Variants in AFG2A observed in about 807,000 individuals in gnomAD.
AFG2A encodes ATPase family gene 2 protein homolog A.
the AFG2A span, among the ~76,000 whole-genome samples, chr4:123,003,581 G>A: frequency 0.012 from 1,845 of 152,294 alleles, 42 homozygotes; most frequent in African/African-American, 0.041. Flanking sequence ...TCCAGACCCT[G>A]TTTGCCTGGG....
chr4:123,224,920 G>T, the AFG2A span, among the ~76,000 whole-genome samples: 1 of 152,126 alleles, frequency 6.6e-6, no homozygotes, highest in East Asian at 1.9e-4. Context: ...TTGTGAGATG[G>T]TATCTCATTG....
the AFG2A span, chr4:122,929,031 G>T: frequency 6.2e-7 from 1 of 1,611,080 alleles, no homozygotes; most frequent in African/African-American, 1.3e-5. Context: ...TATTTCCTCT[G>T]TCTGGCAGGT....
At chr4:123,185,494 T>G in the AFG2A span, among the ~76,000 whole-genome samples, 2 of 152,134 alleles carry the variant, frequency 1.3e-5, no homozygotes, top group East Asian at 3.9e-4. Context: ...CTAAATAGGT[T>G]GAAGTAATTT....
the AFG2A span, among the ~76,000 whole-genome samples, chr4:123,223,933 C>A: frequency 6.6e-6 from 1 of 152,150 alleles, no homozygotes; most frequent in Non-Finnish European, 1.5e-5. Flanking sequence ...TACAGCCCCA[C>A]TAGTTTATTT....
the AFG2A span, among the ~76,000 whole-genome samples, chr4:122,959,163 A>C: frequency 6.6e-6 from 1 of 152,168 alleles, no homozygotes; most frequent in Admixed American, 6.6e-5. Flanking sequence ...CCAACTACCC[A>C]GTTTTTGGAG....
chr4:123,154,662 A>G, the AFG2A span, among the ~76,000 whole-genome samples: 2 of 152,216 alleles, frequency 1.3e-5, no homozygotes, highest in African/African-American at 2.4e-5. Flanking sequence ...CACAGCACTT[A>G]AATTTCTTTG....
At chr4:123,026,187 G>T in the AFG2A span, among the ~76,000 whole-genome samples, 1 of 151,898 alleles carries the variant, frequency 6.6e-6, no homozygotes, top group African/African-American at 2.4e-5. Context: ...GTTCCACTTG[G>T]GTGAGAGGGT....
the AFG2A span, among the ~76,000 whole-genome samples, chr4:123,151,013 T>C: frequency 2.0e-5 from 3 of 152,124 alleles, no homozygotes; most frequent in African/African-American, 7.2e-5. Flanking sequence ...AAACAAGCAA[T>C]GGGGAAAGGA....
chr4:123,040,677 CTTCAAA>C, the AFG2A span, among the ~76,000 whole-genome samples: 3 of 152,076 alleles, frequency 2.0e-5, no homozygotes, highest in East Asian at 3.8e-4. Context: ...GTTTCTTTTT[CTTCAAA>C]ATCCTTAGAA....
chr4:123,237,783 C>T, the AFG2A span, among the ~76,000 whole-genome samples: 3 of 151,018 alleles, frequency 2.0e-5, no homozygotes, highest in African/African-American at 7.3e-5. Context: ...GTGATTTCTG[C>T]GTTTCCAACT....
chr4:122,929,202 G>C, the AFG2A span: 1 of 1,559,700 alleles, frequency 6.4e-7, no homozygotes, highest in South Asian at 1.2e-5. Context: ...ACTGAGGTTT[G>C]GCTCTTTTCT....
At chr4:123,262,838 C>T in the AFG2A span, among the ~76,000 whole-genome samples, 1 of 152,074 alleles carries the variant, frequency 6.6e-6, no homozygotes, top group Non-Finnish European at 1.5e-5. Context: ...TACTGATGTG[C>T]AGAATGCTAT....
the AFG2A span, among the ~76,000 whole-genome samples, chr4:123,247,332 T>C: frequency 2.0e-5 from 3 of 152,144 alleles, no homozygotes; most frequent in African/African-American, 7.2e-5. Context: ...AAAATACTTC[T>C]TGTGAAAAGG....
the AFG2A span, among the ~76,000 whole-genome samples, chr4:123,006,358 T>G: frequency 6.6e-6 from 1 of 152,136 alleles, no homozygotes; most frequent in South Asian, 2.1e-4. Context: ...AATTTGGTTA[T>G]CATGTGCCTT....
At chr4:123,227,822 C>T in the AFG2A span, among the ~76,000 whole-genome samples, 1 of 152,116 alleles carries the variant, frequency 6.6e-6, no homozygotes, top group Admixed American at 6.5e-5. Flanking sequence ...GTTAAAGTCT[C>T]CCATTATTAT....
At chr4:123,124,003 G>A in the AFG2A span, among the ~76,000 whole-genome samples, 421 of 150,648 alleles carry the variant, frequency 2.8e-3, 2 homozygotes, top group Non-Finnish European at 4.7e-3. Context: ...TGCTGGAGAG[G>A]ATGTGGAGAA....
At chr4:123,245,606 CTTCTG>C in the AFG2A span, among the ~76,000 whole-genome samples, 212 of 151,708 alleles carry the variant, frequency 1.4e-3, no homozygotes, top group African/African-American at 4.8e-3. Flanking sequence ...ATTTTTTTTT[CTTCTG>C]TTCTCTTCAT....
At chr4:123,063,280 A>T in the AFG2A span, among the ~76,000 whole-genome samples, 10 of 152,216 alleles carry the variant, frequency 6.6e-5, no homozygotes, top group Admixed American at 6.5e-4. Flanking sequence ...GCATTGTTAA[A>T]CTACTCATGG....
chr4:122,979,120 C>T, the AFG2A span: 1 of 1,306,482 alleles, frequency 7.7e-7, no homozygotes, highest in Non-Finnish European at 1.0e-6. Flanking sequence ...GCCTCCCCCA[C>T]TGCAGCCAGT....
Sources: gnomAD v4.1 joint callset for allele counts (sites outside exome capture counted in the v4.1 genomes callset) on GRCh38, gnomAD v4.1.1 for gene constraint, MANE v1.5 for transcripts, NCBI Gene and HGNC (gene_info 2026-07-23, HGNC 2026-07-21) for gene names.